The following AP5Z1 variants were observed in gnomAD, a reference collection of about 807,000 sequenced individuals.
AP5Z1 encodes AP-5 complex subunit zeta-1.
In AP5Z1, 106 loss-of-function variants were observed where a neutral mutation model predicts 83.0. The ratio of observed to expected loss-of-function variants is 1.28; its 90% CI spans 1.09 to 1.50. AP5Z1 has a LOEUF of 1.50. AP5Z1 is among the 40% of genes most tolerant of loss of function. The probability of loss-of-function intolerance (pLI) is 0.00; values close to 1 mark genes in which losing one functional copy is unlikely to be tolerated. For synonymous variants in AP5Z1, 751 were observed against 514.1 expected (o/e 1.46, Z -6.23); for missense variants, 1,565 against 1,094.2 (o/e 1.43, Z -6.07).
At chr7:4,789,024 G>T (rs2115123017) in intron 13 of AP5Z1, 73 bp downstream of exon 13, 1 of 1,341,308 alleles carries the variant, frequency 7.5e-7, no homozygotes, top group East Asian at 2.5e-5. Flanking sequence ...CCAGCACTGG[G>T]GGGCCCTCTT....
In AP5Z1 at chr7:4,781,374, C is replaced by T. The variant is rs1257091592; in HGVS notation, c.179+62C>T. On this transcript the variant is annotated intron_variant, in intron 2 of 16. Transcript: ENST00000649063. ...AGCGGCCCCAGGAGAACCCAGCCCA[C>T]GCCCAGCAGGTCACTGCAGATGCTC... is the stretch of plus-strand genomic sequence containing the variant. 109 of 1,606,056 alleles carry T rather than the reference C, an allele frequency of 6.8e-5. No individual in the cohort carries two copies. In the East Asian group the frequency reaches 1.3e-3, roughly 19 times the overall value.
chr7:4,791,294 G>A lies in AP5Z1; in HGVS notation c.2333G>A (p.Arg778His), dbSNP rs759530942. The change falls in exon 17 of 17, where the codon CGC (arginine) becomes CAC (histidine). Residue 778 changes from arginine to histidine, a missense_variant. Transcript: ENST00000649063. ...CCCAGCACGGAGGTGTGCAGCCCCC[G>A]CTATCACCGCGATGCCAACACGGCC... is the stretch of plus-strand genomic sequence containing the variant. ...LTPSTEVCSP[R>H]YHRDANTALP... is the part of the protein sequence containing the mutation. 71 of 1,612,342 alleles carry A rather than the reference G, an allele frequency of 4.4e-5. No homozygotes were observed. Among genetic ancestry groups the A allele is most frequent in the African/African-American group, 1.6e-4 (12 of 74,948 alleles).
rs755596510 is a variant in AP5Z1, at chr7:4,785,608, C to A, written c.1056C>A (p.Ala352=). Residue 352 remains alanine, a synonymous_variant, in exon 9 of 17, where the codon GCC becomes GCA. Transcript: ENST00000649063. ...FLYRSLSCLK[A]LHGRVRGDPA... is the part of the protein sequence containing the mutation. ...ACCGAAGTCTCTCCTGCCTGAAGGC[C>A]CTGCACGGGCGGGTGCGCGGGGACC... The A allele has an allele frequency of 6.3e-7, 1 of 1,590,638 alleles. No homozygotes were observed.
chr7:4,784,140 T>C, intron 5 of AP5Z1, 63 bp from the exon 6 acceptor site: 1 of 1,513,942 alleles, frequency 6.6e-7, no homozygotes, highest in African/African-American at 1.4e-5. Context: ...GAGCTTGTGC[T>C]AAAGGCTGGC....
Position 4,791,711 on chromosome 7 carries a change from TGATGGGCAA to T in AP5Z1, c.*329_*337del, listed in dbSNP as rs1781781377. ...TCCTAGTCTTTTGTTTTTGGACAGTTGATGGGCAAGAAGAGCTGCAGTAAAAGTAAATCT... is the reference window on the plus strand; with the variant it reads ...TCCTAGTCTTTTGTTTTTGGACAGTTGAAGAGCTGCAGTAAAAGTAAATCT... On this transcript the variant is annotated 3_prime_UTR_variant, in exon 17 of 17. Transcript: ENST00000649063. 2 of 421,158 alleles carry T rather than the reference TGATGGGCAA, an allele frequency of 4.7e-6. No individual in the cohort carries two copies. The highest frequency in any genetic ancestry group is 1.2e-3 in the Middle Eastern group (2 of 1,606). 26.1% of individuals were successfully genotyped at this position (421,158 alleles called of 1,614,324 possible). A position where few individuals can be genotyped will look rare whatever the true frequency, so the allele number is the denominator to read the frequency against.
intron 10 of AP5Z1, among the ~76,000 whole-genome samples, chr7:4,786,873 C>T (rs1442895185): frequency 6.6e-6 from 1 of 152,064 alleles, no homozygotes; most frequent in Non-Finnish European, 1.5e-5. Flanking sequence ...TGGGTTCAAG[C>T]GATTCTCCTG....
chr7:4,787,602 G>A, intron 10 of AP5Z1, 32 bp from the exon 11 acceptor site: 1 of 1,541,052 alleles, frequency 6.5e-7, no homozygotes, highest in Non-Finnish European at 8.7e-7. Context: ...ACAGCTCCGA[G>A]CCGTGTCCGA....
Position 4,791,296 on chromosome 7 carries a change from T to C in AP5Z1, c.2335T>C (p.Tyr779His), listed in dbSNP as rs1781764011. 1 of 1,612,384 alleles carries C rather than the reference T, an allele frequency of 6.2e-7. No individual in the cohort carries two copies. The highest frequency in any genetic ancestry group is 1.3e-5 in the African/African-American group (1 of 74,948). Residue 779 changes from tyrosine (Y) to histidine (H), a missense_variant, in exon 17 of 17, where the codon TAT becomes CAT. Transcript: ENST00000649063. ...CAGCACGGAGGTGTGCAGCCCCCGC[T>C]ATCACCGCGATGCCAACACGGCCCT... Reference protein sequence around the residue: ...TPSTEVCSPRYHRDANTALPL... With the variant: ...TPSTEVCSPRHHRDANTALPL...
intron 11 of AP5Z1, 34 bp from the exon 12 acceptor site, chr7:4,788,120 A>G (rs781372046): frequency 2.0e-6 from 3 of 1,497,428 alleles, no homozygotes; most frequent in Admixed American, 2.3e-5. Flanking sequence ...CAGGGGCCGC[A>G]TCCCAGCCTG....
chr7:4,780,474 C>T (rs1781349395), intron 1 of AP5Z1, among the ~76,000 whole-genome samples: 1 of 144,292 alleles, frequency 6.9e-6, no homozygotes, highest in African/African-American at 2.6e-5. Flanking sequence ...CAAAAATTAG[C>T]CGGGCGTAGG....
rs754635814 is a variant in AP5Z1, at chr7:4,783,738, C to T, written c.561C>T (p.Ala187=). ...SKRLVDWLRY[A]SLQQGLPHSG... ...GGCTGGTCGACTGGCTGCGCTACGC[C>T]AGCCTCCAGCAAGGGCTCCCACACT... The change falls in exon 5 of 17, where the codon GCC becomes GCT. Residue 187 remains alanine, a synonymous_variant. Transcript: ENST00000649063. The T allele has an allele frequency of 3.3e-5, 51 of 1,550,756 alleles. No homozygotes were observed. Among genetic ancestry groups the T allele is most frequent in the Admixed American group, 1.2e-4 (6 of 51,086 alleles).
In AP5Z1 at chr7:4,786,331, T is replaced by C. The variant is rs1356081033; in HGVS notation, c.1214T>C (p.Met405Thr). Residue 405 changes from methionine to threonine, a missense_variant, in exon 10 of 17, where the codon ATG (methionine) becomes ACG (threonine). Physicochemically the swap from Met to Thr is moderately conservative, Grantham distance 81 (BLOSUM62 -1). Coordinates refer to ENST00000649063, the MANE Select transcript of AP5Z1 (RefSeq NM_014855.3). Reference protein sequence around the residue: ...RIPVEQFHSPMLAFEFIQFCR... With the variant: ...RIPVEQFHSPTLAFEFIQFCR... ...CCGGTGGAGCAGTTCCACAGCCCCA[T>C]GCTGGCCTTTGAATTCATCCAGTTC... 3.1e-6 allele frequency: 5 copies of C among 1,613,892 alleles called. No individual in the cohort carries two copies. The highest frequency in any genetic ancestry group is 1.7e-5 in the Admixed American group (1 of 60,026).
rs1347436742 is a variant in AP5Z1, at chr7:4,794,006, TAAAC to T, written c.*2622_*2625del. The T allele has an allele frequency of 6.6e-6, 1 of 151,914 alleles. No homozygotes were observed. Among genetic ancestry groups the T allele is most frequent in the East Asian group, 1.9e-4 (1 of 5,204 alleles). 9.4% of individuals were successfully genotyped at this position (151,914 alleles called of 1,614,324 possible). ...TTATGTCTAGCTAAGGGATTGTAAATAAACCAATTGGCACTCTGTATCTAGCTCA... is the reference window on the plus strand; with the variant it reads ...TTATGTCTAGCTAAGGGATTGTAAATCAATTGGCACTCTGTATCTAGCTCA... On this transcript the variant is annotated 3_prime_UTR_variant, in exon 17 of 17. Transcript: ENST00000649063.
Position 4,783,406 on chromosome 7 carries a change from C to A in AP5Z1, c.457C>A (p.Leu153Ile), listed in dbSNP as rs1364326427. The A allele has an allele frequency of 9.3e-6, 15 of 1,613,156 alleles. No individual in the cohort carries two copies. Among genetic ancestry groups the A allele is most frequent in the East Asian group, 6.7e-5 (3 of 44,856 alleles). The change falls in exon 4 of 17, where the codon CTC becomes ATC. Residue 153 changes from leucine to isoleucine, a missense_variant. Coordinates refer to ENST00000649063, the MANE Select transcript of AP5Z1 (RefSeq NM_014855.3). ...RQPEGPSLRH[L>I]LPVMAKVVVL... ...GCCTGAGGGACCCAGCCTCAGACAC[C>A]TCCTCCCCGTCATGGCCAAGGTCGT...
At chr7:4,776,821 C>T (rs556689581) in intron 1 of AP5Z1, among the ~76,000 whole-genome samples, 7 of 152,040 alleles carry the variant, frequency 4.6e-5, no homozygotes, top group African/African-American at 1.2e-4. Context: ...GGTGAGAGGC[C>T]GAAGCAGGAG....
chr7:4,785,575 C>A lies in AP5Z1; in HGVS notation c.1023C>A (p.Ser341=), dbSNP rs975709752. 1.9e-6 allele frequency: 3 copies of A among 1,607,716 alleles called. No homozygotes were observed. The highest frequency in any genetic ancestry group is 2.5e-6 in the Non-Finnish European group (3 of 1,178,108). Residue 341 remains serine, a synonymous_variant, in exon 9 of 17, where the codon TCC becomes TCA. Coordinates refer to ENST00000649063, the MANE Select transcript of AP5Z1 (RefSeq NM_014855.3). ...ACGTGCTGTGCCGGCAGGACCCGTC[C>A]TTCCTGTACCGAAGTCTCTCCTGCC... ...VLDVLCRQDP[S]FLYRSLSCLK...
chr7:4,790,874 G>C lies in AP5Z1; in HGVS notation c.2140G>C (p.Asp714His). Residue 714 changes from aspartate (D) to histidine (H), a missense_variant, in exon 16 of 17, where the codon GAT (aspartate) becomes CAT (histidine). By Grantham distance (81) the Asp-to-His change is moderately conservative. Coordinates refer to ENST00000649063, the MANE Select transcript of AP5Z1 (RefSeq NM_014855.3). ...TLTKLASRSQ[D>H]LIPRASLLLS... ...GACGAAGCTGGCCTCCCGGAGCCAA[G>C]ATCTGATCCCCAGGTGCCTGGTCAG... 6.2e-7 allele frequency: 1 copy of C among 1,603,720 alleles called. No individual in the cohort carries two copies. The highest frequency in any genetic ancestry group is 8.5e-7 in the Non-Finnish European group (1 of 1,176,158).
chr7:4,783,332 A>G lies in AP5Z1; in HGVS notation c.383A>G (p.Glu128Gly). The part of the protein sequence containing the change: ...VLLAQGDRNE[E>G]VRAVGQGVLR... Reference sequence around the variant, plus strand: ...GATTTGAAGGGTGACAGAAACGAGGAGGTCAGAGCCGTGGGCCAGGGCGTG... The same window carrying G: ...GATTTGAAGGGTGACAGAAACGAGGGGGTCAGAGCCGTGGGCCAGGGCGTG... The change falls in exon 4 of 17, where the codon GAG (glutamate) becomes GGG (glycine). Residue 128 changes from glutamate (E) to glycine (G), a missense_variant. Transcript: ENST00000649063. 1 of 1,610,622 alleles carries G rather than the reference A, an allele frequency of 6.2e-7. No homozygotes were observed. The highest frequency in any genetic ancestry group is 2.2e-5 in the East Asian group (1 of 44,764).
chr7:4,790,996 G>A (rs969529473), intron 16 of AP5Z1, 109 bp downstream of exon 16: 1 of 1,466,710 alleles, frequency 6.8e-7, no homozygotes, highest in African/African-American at 1.4e-5. Flanking sequence ...CGCAGGTCCT[G>A]GGTGGGCCCT....
Sources: allele counts gnomAD v4.1 joint callset (sites outside exome capture counted in the v4.1 genomes callset), GRCh38; gene constraint gnomAD v4.1.1; transcripts MANE v1.5; gene names NCBI Gene and HGNC (gene_info 2026-07-23, HGNC 2026-07-21).